The following COL27A1 variants were observed in gnomAD, a reference collection of about 807,000 sequenced individuals.
COL27A1 encodes collagen type XXVII alpha 1 chain.
In COL27A1, 106 loss-of-function variants were observed where a neutral mutation model predicts 251.3. That is an observed-to-expected ratio of 0.42 (90% CI 0.36 to 0.50). The LOEUF (loss-of-function observed/expected upper bound fraction) is 0.50, where lower values mean the gene tolerates loss of function less well. COL27A1 is among the 20% of genes least tolerant of loss of function. COL27A1 has a pLI of 0.00. For missense variants in COL27A1, 2,325 were observed against 2,522.8 expected (o/e 0.92, Z 1.68); for synonymous variants, 1,000 against 986.3 (o/e 1.01, Z -0.26).
intron 12 of COL27A1, among the ~76,000 whole-genome samples, chr9:114,216,192 C>T (rs1830700880): frequency 1.3e-5 from 2 of 152,218 alleles, no homozygotes; most frequent in South Asian, 2.1e-4. Context: ...TTGTTCTGCT[C>T]CAAGTATGAA....
Position 114,250,641 on chromosome 9 carries a change from C to T in COL27A1, c.3006C>T (p.Val1002=), listed in dbSNP as rs761346888. 2.5e-6 allele frequency: 4 copies of T among 1,611,904 alleles called. No homozygotes were observed. The highest frequency in any genetic ancestry group is 1.3e-5 in the African/African-American group (1 of 74,956). Residue 1002 remains valine (V), a synonymous_variant, in exon 25 of 61, where the codon GTC becomes GTT. Transcript: ENST00000356083. ...EQGFMGFIGL[V]GEPGIVGEKG... is the part of the protein sequence containing the mutation. ...GATTTATGGGATTCATTGGTCTGGT[C>T]GGGGAGCCAGGAATCGTGGGAGAAA...
rs536940269 is a variant in COL27A1, at chr9:114,267,650, C to T, written c.3501+93C>T. ...CTCCATGGAAGAGAAATGGGCCTTT[C>T]TTGTGGCTGGGATAATGGGTTCTCT... On this transcript the variant is annotated intron_variant, in intron 34 of 60. Transcript: ENST00000356083. 5 of 1,201,208 alleles carry T rather than the reference C, an allele frequency of 4.2e-6. No homozygotes were observed. The African/African-American group carries it at 6.3e-5, about 15-fold the overall frequency. The allele number at this position is 1,201,208 out of a possible 1,614,324, so 74.4% of individuals were successfully genotyped here.
intron 39 of COL27A1, among the ~76,000 whole-genome samples, chr9:114,283,125 T>G (rs1836030502): frequency 6.6e-6 from 1 of 152,118 alleles, no homozygotes; most frequent in South Asian, 2.1e-4. Flanking sequence ...GTGTGTAAGG[T>G]TAAGCAACCA....
At chr9:114,177,122 C>T (rs904457256) in intron 3 of COL27A1, among the ~76,000 whole-genome samples, 9 of 152,200 alleles carry the variant, frequency 5.9e-5, no homozygotes, top group Non-Finnish European at 1.2e-4. Flanking sequence ...GAGGTAAATG[C>T]AGTGGTAGCT....
At chr9:114,305,646 G>C (rs751073270) in intron 57 of COL27A1, among the ~76,000 whole-genome samples, 6 of 152,142 alleles carry the variant, frequency 3.9e-5, no homozygotes, top group Admixed American at 1.3e-4. Flanking sequence ...GGCTCCCAAG[G>C]TCACTCCACA....
rs779410306 is a variant in COL27A1, at chr9:114,231,845, G to C, written c.2544G>C (p.Glu848Asp). Residue 848 changes from glutamate (E) to aspartate (D), a missense_variant, in exon 16 of 61, where the codon GAG becomes GAC. Around this residue, in one of 4 missense-constraint regions of COL27A1, gnomAD observed 1,183 missense variants for 1,144.1 expected, o/e 1.03. Transcript: ENST00000356083. ...GMKGLMGSVG[E>D]PGLKGDKGEQ... is the part of the protein sequence containing the mutation. ...AGGGACTGATGGGCAGCGTGGGGGA[G>C]CCCGGACTGAAAGGTGATAAGGTGA... The C allele has an allele frequency of 6.2e-6, 10 of 1,614,054 alleles. No homozygotes were observed. Among genetic ancestry groups the C allele is most frequent in the Admixed American group, 1.7e-5 (1 of 60,018 alleles).
chr9:114,300,859 T>C (rs1465398437), intron 51 of COL27A1, among the ~76,000 whole-genome samples, 172 bp downstream of exon 51: 2 of 152,124 alleles, frequency 1.3e-5, no homozygotes, highest in East Asian at 1.9e-4. Context: ...TCAGCCCCCA[T>C]CCTTCCCCGC....
intron 1 of COL27A1, among the ~76,000 whole-genome samples, chr9:114,158,666 C>T (rs1848289801): frequency 6.6e-6 from 1 of 152,190 alleles, no homozygotes; most frequent in African/African-American, 2.4e-5. Flanking sequence ...CCATGATTAG[C>T]AGTAGCCTAA....
intron 58 of COL27A1, chr9:114,307,372 A>G (rs1378773534): frequency 1.2e-5 from 4 of 326,376 alleles, no homozygotes; most frequent in Non-Finnish European, 2.3e-5. Context: ...CCCTTGTGCA[A>G]GTGACCCAGC....
Position 114,168,711 on chromosome 9 carries a change from C to A in COL27A1, c.1156C>A (p.His386Asn). The change falls in exon 3 of 61, where the codon CAT (histidine) becomes AAT (asparagine). Residue 386 changes from histidine (H) to asparagine (N), a missense_variant. Physicochemically the swap from His to Asn is moderately conservative, Grantham distance 68. Transcript: ENST00000356083. ...TTCAATTGTGCCCATCAAAAGCCCC[C>A]ATCCTACCCAGAAAACAGCTCCATC... ...STSIVPIKSP[H>N]PTQKTAPSSF... The A allele has an allele frequency of 6.2e-7, 1 of 1,614,094 alleles. No homozygotes were observed. Among genetic ancestry groups the A allele is most frequent in the Non-Finnish European group, 8.5e-7 (1 of 1,180,038 alleles).
At chr9:114,217,080 A>G (rs1411416258) in intron 12 of COL27A1, among the ~76,000 whole-genome samples, 1 of 152,160 alleles carries the variant, frequency 6.6e-6, no homozygotes, top group East Asian at 1.9e-4. Context: ...TGCAGCCAAT[A>G]ATAGGACCTG....
In COL27A1 at chr9:114,168,284, G is replaced by C. The variant is rs753638362; in HGVS notation, c.729G>C (p.Gln243His). ...RKQCGQADTY[Q>H]SPLGPLFSQD... Reference sequence around the variant, plus strand: ...AGTGTGGACAGGCTGACACGTACCAGTCCCCACTGGGACCTCTCTTCTCCC... The same window carrying C: ...AGTGTGGACAGGCTGACACGTACCACTCCCCACTGGGACCTCTCTTCTCCC... The change falls in exon 3 of 61, where the codon CAG becomes CAC. Residue 243 changes from glutamine to histidine, a missense_variant. This residue lies in a region of COL27A1 where 1,183 missense variants were observed against 1,144.1 expected (regional missense o/e 1.03). Transcript: ENST00000356083. 2.5e-6 allele frequency: 4 copies of C among 1,613,676 alleles called. No homozygotes were observed. In the East Asian group the frequency reaches 6.7e-5, roughly 27 times the overall value.
At chr9:114,276,170 G>T (rs1020833248) in intron 37 of COL27A1, among the ~76,000 whole-genome samples, 5 of 152,064 alleles carry the variant, frequency 3.3e-5, no homozygotes, top group African/African-American at 9.7e-5. Flanking sequence ...TGGCCTTCAG[G>T]TATCACCATA....
intron 10 of COL27A1, among the ~76,000 whole-genome samples, chr9:114,207,123 T>C (rs1476471612): frequency 6.6e-6 from 1 of 152,186 alleles, no homozygotes; most frequent in Admixed American, 6.5e-5. Flanking sequence ...ACTTGCTGCC[T>C]CTCAAGGAAT....
chr9:114,220,687 TG>T (rs1280682724), intron 13 of COL27A1, among the ~76,000 whole-genome samples: 1 of 152,034 alleles, frequency 6.6e-6, no homozygotes, highest in Non-Finnish European at 1.5e-5. Flanking sequence ...GTCTGCAAAT[TG>T]GGGGGATCAG....
chr9:114,210,962 C>A lies in COL27A1; in HGVS notation c.2323-20C>A, dbSNP rs764940811. 6.8e-6 allele frequency: 11 copies of A among 1,613,998 alleles called. No homozygotes were observed. Among genetic ancestry groups the A allele is most frequent in the Non-Finnish European group, 8.5e-6 (10 of 1,179,844 alleles). Reference sequence around the variant, plus strand: ...CTGCTGGCATCCTGCCCTGACCTCTCCCCTGTCTCTCCCCTGCAGGGCCTG... The same window carrying A: ...CTGCTGGCATCCTGCCCTGACCTCTACCCTGTCTCTCCCCTGCAGGGCCTG... On this transcript the variant is annotated intron_variant, in intron 11 of 60. Coordinates refer to ENST00000356083, the MANE Select transcript of COL27A1 (RefSeq NM_032888.4).
intron 1 of COL27A1, among the ~76,000 whole-genome samples, chr9:114,161,551 C>T (rs1848496315): frequency 6.6e-6 from 1 of 152,178 alleles, no homozygotes; most frequent in South Asian, 2.1e-4. Flanking sequence ...TCAACCCTGG[C>T]AGACAGGTTT....
At chr9:114,240,639 C>T (rs1832695869) in intron 21 of COL27A1, 152 bp downstream of exon 21, 6 of 682,152 alleles carry the variant, frequency 8.8e-6, no homozygotes, top group Non-Finnish European at 1.5e-5. Flanking sequence ...ACCAGCTCAT[C>T]CTATACAGCC....
chr9:114,270,678 G>A (rs1588837605), intron 35 of COL27A1, 50 bp from the exon 36 acceptor site: 1 of 1,438,394 alleles, frequency 7.0e-7, no homozygotes, highest in Non-Finnish European at 9.8e-7. Context: ...AGCACACCGG[G>A]GCCTCCTCCC....
Sources: allele counts gnomAD v4.1 joint callset (sites outside exome capture counted in the v4.1 genomes callset), GRCh38; gene constraint gnomAD v4.1.1; regional missense constraint gnomAD v4.1.1; transcripts MANE v1.5; gene names NCBI Gene and HGNC (gene_info 2026-07-23, HGNC 2026-07-21).